Variants in ITCH observed in about 807,000 individuals in gnomAD.
ITCH encodes E3 ubiquitin-protein ligase Itchy homolog.
ITCH carries 28 observed loss-of-function variants against 126.8 expected under a neutral mutation model. That is an observed-to-expected ratio of 0.22 (90% CI 0.16 to 0.30). The LOEUF (loss-of-function observed/expected upper bound fraction) is 0.30. Among genes scored for constraint, ITCH ranks in the 10% least tolerant of loss-of-function variants. ITCH has a pLI of 1.00. For synonymous variants in ITCH, 342 were observed against 340.0 expected (o/e 1.01, Z -0.06); for missense variants, 631 against 1,032.4 (o/e 0.61, Z 5.33).
intron 7 of ITCH, among the ~76,000 whole-genome samples, chr20:34,428,978 C>A (rs1327513541): frequency 6.6e-6 from 1 of 152,148 alleles, no homozygotes; most frequent in East Asian, 1.9e-4. Flanking sequence ...CGTTCTGTTG[C>A]CCAGGCTGGA....
intron 2 of ITCH, among the ~76,000 whole-genome samples, chr20:34,383,215 T>A (rs2038135528): frequency 1.3e-5 from 2 of 151,914 alleles, no homozygotes; most frequent in South Asian, 4.2e-4. Flanking sequence ...GTAGTTTATT[T>A]TTATTTTTTG....
rs1481521433 is a variant in ITCH, at chr20:34,408,849, C to T, written c.212+57C>T. 1.1e-4 allele frequency: 170 copies of T among 1,536,034 alleles called. 2 individuals carry two copies. In the South Asian group the frequency reaches 2.0e-3, roughly 18 times the overall value. ...TTTGTTTAGTAGATGATTGGAAATA[C>T]AATTTAAAAAAATGTTTCTCACTTT... On this transcript the variant is annotated intron_variant, in intron 4 of 24. Transcript: ENST00000374864.
chr20:34,482,850 C>T (rs1988854662), intron 20 of ITCH, among the ~76,000 whole-genome samples: 1 of 152,226 alleles, frequency 6.6e-6, no homozygotes, highest in African/African-American at 2.4e-5. Context: ...TGTGAGTGCC[C>T]TGCCCCTGCA....
At chr20:34,412,458 G>C in intron 4 of ITCH, 57 bp from the exon 5 acceptor site, 1 of 1,290,982 alleles carries the variant, frequency 7.7e-7, no homozygotes, top group Non-Finnish European at 1.1e-6. Context: ...ATTTATTTAG[G>C]ATCTCATTGT....
At chr20:34,405,932 G>A (rs983336932) in intron 3 of ITCH, among the ~76,000 whole-genome samples, 5 of 151,570 alleles carry the variant, frequency 3.3e-5, no homozygotes, top group African/African-American at 1.2e-4. Flanking sequence ...ATCAGAGATA[G>A]CTCTGGTCCC....
At chr20:34,462,028 T>C (rs1274118363) in intron 13 of ITCH, 65 bp from the exon 14 acceptor site, 2 of 1,505,316 alleles carry the variant, frequency 1.3e-6, no homozygotes, top group African/African-American at 2.8e-5. Flanking sequence ...CATTTGTAGC[T>C]TCTGTACTTG....
intron 2 of ITCH, among the ~76,000 whole-genome samples, chr20:34,378,430 G>A (rs932115278): frequency 3.3e-5 from 4 of 122,668 alleles, no homozygotes; most frequent in East Asian, 2.7e-4. Context: ...CAGAGATTGC[G>A]CCATTGTACT....
At chr20:34,484,717 C>T (rs1419506237) in intron 20 of ITCH, among the ~76,000 whole-genome samples, 1 of 152,018 alleles carries the variant, frequency 6.6e-6, no homozygotes, top group Non-Finnish European at 1.5e-5. Context: ...AGTATAATTT[C>T]CTTAGAATAA....
intron 23 of ITCH, among the ~76,000 whole-genome samples, chr20:34,501,602 C>T (rs1220197370): frequency 2.0e-5 from 3 of 151,942 alleles, no homozygotes; most frequent in Non-Finnish European, 4.4e-5. Flanking sequence ...ATGGAGAAAC[C>T]GTATCTCTAC....
chr20:34,387,948 C>G (rs551707836), intron 2 of ITCH, among the ~76,000 whole-genome samples: 13 of 152,114 alleles, frequency 8.5e-5, no homozygotes, highest in Non-Finnish European at 1.8e-4. Context: ...TGTGATCCAC[C>G]CGCCTCGGCC....
intron 7 of ITCH, among the ~76,000 whole-genome samples, chr20:34,436,631 C>T (rs977572816): frequency 2.0e-5 from 3 of 152,200 alleles, no homozygotes; most frequent in African/African-American, 7.2e-5. Flanking sequence ...CAAAGTAGTG[C>T]TTGTCATACC....
At chr20:34,454,449 TAG>T (rs1459215767) in intron 12 of ITCH, 1 of 152,196 alleles carries the variant, frequency 6.6e-6, no homozygotes, top group East Asian at 1.9e-4. Context: ...TGTTTTTCTT[TAG>T]AGACAGCCTT....
Position 34,470,052 on chromosome 20 carries a change from A to G in ITCH, c.1429A>G (p.Asn477Asp), listed in dbSNP as rs1368117033. ...DPRTGKSALDNGPQIAYVRDF... is the reference protein window; with the variant it reads ...DPRTGKSALDDGPQIAYVRDF... ...TTAACCCTTGTTCTTCCTCAGAGACAATGGACCTCAGATAGCCTATGTTCG... is the reference window on the plus strand; with the variant it reads ...TTAACCCTTGTTCTTCCTCAGAGACGATGGACCTCAGATAGCCTATGTTCG... The change falls in exon 15 of 25, where the codon AAT (asparagine) becomes GAT (aspartate). Residue 477 changes from asparagine (N) to aspartate (D), a missense_variant. This residue lies in a region of ITCH where 390 missense variants were observed against 731.6 expected (regional missense o/e 0.53). Transcript: ENST00000374864. 6.2e-6 allele frequency: 10 copies of G among 1,613,486 alleles called. No individual in the cohort carries two copies. Among genetic ancestry groups the G allele is most frequent in the Non-Finnish European group, 7.6e-6 (9 of 1,179,406 alleles).
At chr20:34,394,540 G>A (rs2038605682) in intron 3 of ITCH, among the ~76,000 whole-genome samples, 1 of 152,116 alleles carries the variant, frequency 6.6e-6, no homozygotes. Flanking sequence ...GCACCACCAT[G>A]CCCAGCAAAT....
intron 1 of ITCH, among the ~76,000 whole-genome samples, chr20:34,363,858 C>T (rs971382390): frequency 1.3e-5 from 2 of 152,286 alleles, no homozygotes; most frequent in South Asian, 4.1e-4. Context: ...GCTGCCTCCC[C>T]TTCTCTCTCC....
intron 3 of ITCH, among the ~76,000 whole-genome samples, chr20:34,399,070 C>T (rs1340174091): frequency 2.0e-5 from 3 of 152,080 alleles, no homozygotes; most frequent in African/African-American, 7.2e-5. Flanking sequence ...TTTCTAGAAT[C>T]AAGTAAGGAA....
At chr20:34,473,868 A>G (rs1987873440) in intron 16 of ITCH, among the ~76,000 whole-genome samples, 1 of 152,240 alleles carries the variant, frequency 6.6e-6, no homozygotes, top group South Asian at 2.1e-4. Context: ...CTCCAGTTTC[A>G]GTCTGAACAT....
chr20:34,381,902 A>G (rs992847771), intron 2 of ITCH, among the ~76,000 whole-genome samples: 1 of 151,540 alleles, frequency 6.6e-6, no homozygotes, highest in Admixed American at 6.6e-5. Context: ...TACTCAAAAC[A>G]CTCAATTTCT....
intron 3 of ITCH, among the ~76,000 whole-genome samples, chr20:34,400,437 A>G (rs1048294198): frequency 6.6e-6 from 1 of 152,092 alleles, no homozygotes; most frequent in Non-Finnish European, 1.5e-5. Context: ...AGCAAGACAC[A>G]TGAAAGAAGA....
Sources: allele counts gnomAD v4.1 joint callset (sites outside exome capture counted in the v4.1 genomes callset), GRCh38; gene constraint gnomAD v4.1.1; regional missense constraint gnomAD v4.1.1; transcripts MANE v1.5; gene names NCBI Gene and HGNC (gene_info 2026-07-23, HGNC 2026-07-21).